The following BRIP1 variants were observed in gnomAD, a reference collection of about 807,000 sequenced individuals.
BRIP1 encodes the protein BRCA1 interacting DNA helicase 1.
A neutral mutation model predicts 119.7 loss-of-function variants in BRIP1; 88 were observed. The observed-to-expected ratio is 0.74, with a 90% CI of 0.62 to 0.88. BRIP1 has a LOEUF of 0.88. Ranked by LOEUF, BRIP1 falls within the 40% of genes least tolerant of loss-of-function variation. The pLI, the probability that BRIP1 is intolerant of heterozygous loss-of-function variation, is 0.00. For synonymous variants in BRIP1, 443 were observed against 496.5 expected, an observed-to-expected ratio of 0.89 and a Z score of 1.43; for missense variants, 1,259 against 1,455.4, an observed-to-expected ratio of 0.87 and a Z score of 2.20.
At position 61,778,813 on chromosome 17, in the gene BRIP1, G is replaced by A. The variant is rs1441992757; in HGVS notation, c.1935+1448C>T. Among the ~76,000 whole-genome samples the A allele has an allele frequency of 2.6e-5, 4 of 152,146 alleles. No homozygotes were observed. ...GGAAAGCACAATTCTTAGTTACATA[G>A]GAGTAGCATTCTAGGTTCCCAACTA... On this transcript the variant is annotated intron_variant, in intron 13 of 19. Coordinates refer to ENST00000259008, the MANE Select transcript of BRIP1 (RefSeq NM_032043.3). The surrounding 1 kb of genome is among the most constrained non-coding windows in gnomAD (Gnocchi z 4.4).
At chr17:61,782,577 C>A (rs555469900) in intron 11 of BRIP1, among the ~76,000 whole-genome samples, 54 of 152,176 alleles carry the variant, frequency 3.5e-4, no homozygotes, top group African/African-American at 1.3e-3. Flanking sequence ...AAACAACCCA[C>A]AGAATGAGAG....
At chr17:61,711,486 G>A (rs1339200671) in intron 17 of BRIP1, among the ~76,000 whole-genome samples, 1 of 151,948 alleles carries the variant, frequency 6.6e-6, no homozygotes, top group Non-Finnish European at 1.5e-5. Flanking sequence ...GGATTTCTAG[G>A]GAAAAAAGGG....
chr17:61,714,800 A>AT (rs35246906), intron 17 of BRIP1, among the ~76,000 whole-genome samples: 2,908 of 129,040 alleles, frequency 0.023, 51 homozygotes, highest in South Asian at 0.024. Flanking sequence ...TGATTTGCTA[A>AT]TTTTTTTTTT....
At chr17:61,785,094 G>A (rs2077685651) in intron 10 of BRIP1, among the ~76,000 whole-genome samples, 2 of 152,148 alleles carry the variant, frequency 1.3e-5, no homozygotes, top group African/African-American at 2.4e-5. Flanking sequence ...CCTTTCAGAT[G>A]TAAGGAATTA....
rs1287125850 is a variant in BRIP1, at chr17:61,689,811, G to A, written c.2575+3619C>T. ...GAATTGCTTGAGCCGAGGAGTTTGA[G>A]ATTAGCCTGGGCAACATAGTGAGAC... is the stretch of plus-strand genomic sequence containing the variant. On this transcript the variant is annotated intron_variant, in intron 18 of 19. Coordinates refer to ENST00000259008, the MANE Select transcript of BRIP1 (RefSeq NM_032043.3). The surrounding 1 kb of genome is among the most constrained non-coding windows in gnomAD (Gnocchi z 4.5). 1.3e-5 allele frequency among the ~76,000 whole-genome samples: 2 copies of A among 152,166 alleles called. No individual in the cohort carries two copies. Among genetic ancestry groups the A allele is most frequent in the Non-Finnish European group, 2.9e-5 (2 of 68,010 alleles).
intron 16 of BRIP1, among the ~76,000 whole-genome samples, chr17:61,716,838 A>ATTTCCACTACT (rs2061886454): frequency 1.3e-4 from 2 of 15,778 alleles, no homozygotes; most frequent in African/African-American, 3.8e-4. Context: ...CTGGATTATT[A>ATTTCCACTACT]GCTATGTCTT....
In BRIP1 at chr17:61,842,965, C is replaced by A. The variant is rs142045014; in HGVS notation, c.627+4136G>T. Among the ~76,000 whole-genome samples, 2 of 152,160 alleles carry A rather than the reference C, an allele frequency of 1.3e-5. No homozygotes were observed. Among genetic ancestry groups the A allele is most frequent in the Non-Finnish European group, 2.9e-5 (2 of 68,010 alleles). On this transcript the variant is annotated intron_variant, in intron 6 of 19. Coordinates refer to ENST00000259008, the MANE Select transcript of BRIP1 (RefSeq NM_032043.3). The surrounding 1 kb of genome is among the most constrained non-coding windows in gnomAD (Gnocchi z 5.1). ...AAGCAGTCTCAAGATATGAAAATAA[C>A]CTAAGTGTCTGTCAATGGATGAATA...
At chr17:61,782,555 G>C (rs2077640561) in intron 11 of BRIP1, among the ~76,000 whole-genome samples, 1 of 152,034 alleles carries the variant, frequency 6.6e-6, no homozygotes, top group African/African-American at 2.4e-5. Flanking sequence ...AGGACACTAT[G>C]AATAAATGAA....
At position 61,769,646 on chromosome 17, in the gene BRIP1, C is replaced by T. The variant is rs753093707; in HGVS notation, c.2097+6755G>A. Among the ~76,000 whole-genome samples the T allele has an allele frequency of 6.6e-6, 1 of 152,242 alleles. No individual in the cohort carries two copies. The highest frequency in any genetic ancestry group is 1.9e-4 in the East Asian group (1 of 5,188). ...ATGTAAAGAACTGGAAGTCATCACA[C>T]CTGTTTTACAACAGAAAAAAGTTAA... On this transcript the variant is annotated intron_variant, in intron 14 of 19. Transcript: ENST00000259008. This position sits in a 1 kb window ranked among gnomAD's most constrained non-coding sequence, Gnocchi z 4.9.
intron 4 of BRIP1, among the ~76,000 whole-genome samples, chr17:61,855,373 T>A (rs1248110989): frequency 6.6e-6 from 1 of 151,418 alleles, no homozygotes; most frequent in South Asian, 2.1e-4. Flanking sequence ...AGGTCAGGAG[T>A]TCGAGACCAG....
intron 8 of BRIP1, among the ~76,000 whole-genome samples, chr17:61,800,023 G>C (rs1348160209): frequency 2.0e-5 from 3 of 152,220 alleles, no homozygotes; most frequent in Non-Finnish European, 4.4e-5. Context: ...TGTGATCCAC[G>C]GTAGGCCAAC....
chr17:61,799,091 T>A lies in BRIP1; in HGVS notation c.1340+9A>T, dbSNP rs376487588. 1.2e-6 allele frequency: 2 copies of A among 1,607,388 alleles called. No homozygotes were observed. The highest frequency in any genetic ancestry group is 1.7e-6 in the Non-Finnish European group (2 of 1,174,092). ...CAGCACAAATACACTAATAGACAAATCTTCTTACTTAATGAGGCTACAGCA... is the reference window on the plus strand; with the variant it reads ...CAGCACAAATACACTAATAGACAAAACTTCTTACTTAATGAGGCTACAGCA... On this transcript the variant is annotated intron_variant, in intron 9 of 19. Coordinates refer to ENST00000259008, the MANE Select transcript of BRIP1 (RefSeq NM_032043.3). The surrounding 1 kb of genome is among the most constrained non-coding windows in gnomAD (Gnocchi z 5.1).
chr17:61,711,744 T>C (rs1365852019), intron 17 of BRIP1, among the ~76,000 whole-genome samples: 1 of 152,054 alleles, frequency 6.6e-6, no homozygotes, highest in Non-Finnish European at 1.5e-5. Flanking sequence ...GGCATGTGCC[T>C]GTAATCCCAG....
At position 61,804,407 on chromosome 17, in the gene BRIP1, C is replaced by CAT; in HGVS notation, c.919-2935_919-2934dup. Among the ~76,000 whole-genome samples, 1 of 130,294 alleles carries CAT rather than the reference C, an allele frequency of 7.7e-6. No individual in the cohort carries two copies. Among genetic ancestry groups the CAT allele is most frequent in the Middle Eastern group, 3.7e-3 (1 of 268 alleles). 85.5% of individuals were successfully genotyped at this position (130,294 alleles called of 152,430 possible). A position where few individuals can be genotyped will look rare whatever the true frequency, so the allele number is the denominator to read the frequency against. ...TAAAAGACTTTGAGGCAGCTATATA[C>CAT]ATATGTGTGTGTGTGTGTGTGTGTG... On this transcript the variant is annotated intron_variant, in intron 7 of 19. Coordinates refer to ENST00000259008, the MANE Select transcript of BRIP1 (RefSeq NM_032043.3). This position sits in a 1 kb window ranked among gnomAD's most constrained non-coding sequence, Gnocchi z 4.5.
In BRIP1 at chr17:61,793,579, G is replaced by A. The variant is rs2145238253; in HGVS notation, c.1473+18C>T. ...CTAATTCACTAAATACGTTTCACAG[G>A]TAGAAAAAATATCTTACCTGCAAAA... is the stretch of plus-strand genomic sequence containing the variant. On this transcript the variant is annotated intron_variant, in intron 10 of 19. Transcript: ENST00000259008. The surrounding 1 kb of genome is among the most constrained non-coding windows in gnomAD (Gnocchi z 5.2). 1 of 1,595,012 alleles carries A rather than the reference G, an allele frequency of 6.3e-7. No individual in the cohort carries two copies. The highest frequency in any genetic ancestry group is 8.6e-7 in the Non-Finnish European group (1 of 1,169,214).
chr17:61,791,969 T>C (rs193235177), intron 10 of BRIP1, among the ~76,000 whole-genome samples: 5 of 152,308 alleles, frequency 3.3e-5, no homozygotes, highest in South Asian at 2.1e-4. Context: ...TCTAAAAAAG[T>C]TGTACTCGTA....
Position 61,814,331 on chromosome 17 carries a change from T to C in BRIP1, c.628-5574A>G, listed in dbSNP as rs1465799824. Among the ~76,000 whole-genome samples the C allele has an allele frequency of 6.6e-6, 1 of 152,086 alleles. No individual in the cohort carries two copies. The highest frequency in any genetic ancestry group is 1.5e-5 in the Non-Finnish European group (1 of 67,922). On this transcript the variant is annotated intron_variant, in intron 6 of 19. Coordinates refer to ENST00000259008, the MANE Select transcript of BRIP1 (RefSeq NM_032043.3). The surrounding 1 kb of genome is among the most constrained non-coding windows in gnomAD (Gnocchi z 4.9). ...AAATAGGTAAAAAGGGGGCACAGGC[T>C]GACAGAAGATACTTGCAGTGCTTAC... is the stretch of plus-strand genomic sequence containing the variant.
In BRIP1 at chr17:61,803,335, C is replaced by T. The variant is rs150724402; in HGVS notation, c.919-1861G>A. On this transcript the variant is annotated intron_variant, in intron 7 of 19. Coordinates refer to ENST00000259008, the MANE Select transcript of BRIP1 (RefSeq NM_032043.3). The surrounding 1 kb of genome is among the most constrained non-coding windows in gnomAD (Gnocchi z 4.3). ...CTGAACTCAAGCGATCCGCCTGCCT[C>T]GGCCTCCCAAAGTGCTGGGGATTAC... is the stretch of plus-strand genomic sequence containing the variant. 3.6e-3 allele frequency among the ~76,000 whole-genome samples: 551 copies of T among 152,298 alleles called. 3 individuals carry two copies. The highest frequency in any genetic ancestry group is 0.017 in the Middle Eastern group (5 of 294).
At position 61,848,413 on chromosome 17, in the gene BRIP1, T is replaced by A. The variant is rs957317234; in HGVS notation, c.507+716A>T. On this transcript the variant is annotated intron_variant, in intron 5 of 19. Coordinates refer to ENST00000259008, the MANE Select transcript of BRIP1 (RefSeq NM_032043.3). This position sits in a 1 kb window ranked among gnomAD's most constrained non-coding sequence, Gnocchi z 4.3. ...TTTTGTGGAGACAGGAGCCTTGCTA[T>A]GTCACCCAGGCTGGTCTCAAACTGC... is the stretch of plus-strand genomic sequence containing the variant. Among the ~76,000 whole-genome samples the A allele has an allele frequency of 6.6e-6, 1 of 152,066 alleles. No homozygotes were observed. The highest frequency in any genetic ancestry group is 1.5e-5 in the Non-Finnish European group (1 of 67,992).
Sources: allele counts gnomAD v4.1 joint callset (sites outside exome capture counted in the v4.1 genomes callset), GRCh38; gene constraint gnomAD v4.1.1; non-coding constraint Gnocchi (gnomAD v3.1); transcripts MANE v1.5; gene names NCBI Gene and HGNC (gene_info 2026-07-23, HGNC 2026-07-21).